CPED1: variants seen among roughly 807,000 people sequenced by gnomAD.
The protein encoded by CPED1 is cadherin-like and PC-esterase domain-containing protein 1.
CPED1 carries 114 observed loss-of-function variants against 128.2 expected under a neutral mutation model. That is an observed-to-expected ratio of 0.89 (90% CI 0.76 to 1.04). The LOEUF (loss-of-function observed/expected upper bound fraction) is 1.04, where lower values mean the gene tolerates loss of function less well. Among genes scored for constraint, CPED1 ranks in the 50% least tolerant of loss-of-function variants. The probability of loss-of-function intolerance (pLI) is 0.00; values close to 1 mark genes in which losing one functional copy is unlikely to be tolerated. For missense variants in CPED1, 1,211 were observed against 1,207.1 expected (o/e 1.00, Z -0.05); for synonymous variants, 462 against 426.7 (o/e 1.08, Z -1.02).
At chr7:121,215,964 T>A (rs1797750280) in intron 16 of CPED1, among the ~76,000 whole-genome samples, 1 of 151,964 alleles carries the variant, frequency 6.6e-6, no homozygotes, top group Non-Finnish European at 1.5e-5. Flanking sequence ...ATTTTCCCAA[T>A]TTCACAGATA....
intron 6 of CPED1, 27 bp downstream of exon 6, chr7:121,097,858 A>G (rs1325809212): frequency 1.9e-6 from 3 of 1,612,310 alleles, no homozygotes; most frequent in Non-Finnish European, 2.5e-6. Flanking sequence ...GAATTGTTAT[A>G]ACCAGCATGC....
chr7:121,064,301 AG>A lies in CPED1; in HGVS notation c.605del (p.Arg202LysfsTer10). 6.2e-7 allele frequency: 1 copy of A among 1,611,226 alleles called. No homozygotes were observed. Among genetic ancestry groups the A allele is most frequent in the Non-Finnish European group, 8.5e-7 (1 of 1,177,460 alleles). On this transcript the variant is annotated frameshift_variant, in exon 5 of 23. Coordinates refer to ENST00000310396, the MANE Select transcript of CPED1 (RefSeq NM_024913.5). LOFTEE classifies it high-confidence loss of function. ...CRKEGLCQIV[R>X]RFPELQLPVS... ...AAAGGAAGGATTATGTCAAATAGTT[AG>A]AAGATTCCCAGGTAATCTTTCGTTT...
chr7:121,284,107 C>A (rs1003117592), intron 22 of CPED1, among the ~76,000 whole-genome samples: 29 of 152,128 alleles, frequency 1.9e-4, no homozygotes, highest in African/African-American at 6.0e-4. Context: ...AAGAAACTTA[C>A]AACTGGCAAA....
intron 22 of CPED1, among the ~76,000 whole-genome samples, chr7:121,291,507 G>T (rs1792701268): frequency 6.6e-6 from 1 of 152,158 alleles, no homozygotes; most frequent in East Asian, 1.9e-4. Context: ...CCTTGAAGAG[G>T]TTCTTCATAT....
chr7:121,131,474 A>T (rs1397196143), intron 12 of CPED1, among the ~76,000 whole-genome samples: 1 of 151,202 alleles, frequency 6.6e-6, no homozygotes, highest in Non-Finnish European at 1.5e-5. Context: ...CTTGATTTCC[A>T]CAGGAAGCTG....
chr7:121,007,469 T>C (rs1394758158), intron 2 of CPED1, among the ~76,000 whole-genome samples: 1 of 152,086 alleles, frequency 6.6e-6, no homozygotes, highest in African/African-American at 2.4e-5. Flanking sequence ...AGTCTTCTGA[T>C]AAGGAAAAAT....
intron 2 of CPED1, among the ~76,000 whole-genome samples, chr7:121,015,212 C>G (rs893297591): frequency 6.6e-6 from 1 of 152,158 alleles, no homozygotes; most frequent in African/African-American, 2.4e-5. Context: ...TTGCTTCTCA[C>G]CTCGACCCCT....
At chr7:121,057,227 C>A (rs1349039598) in intron 4 of CPED1, among the ~76,000 whole-genome samples, 1 of 152,172 alleles carries the variant, frequency 6.6e-6, no homozygotes, top group Non-Finnish European at 1.5e-5. Context: ...ATCCACCTGC[C>A]TCAGCCTCCC....
At chr7:121,034,066 C>T (rs998691510) in intron 3 of CPED1, among the ~76,000 whole-genome samples, 6 of 152,000 alleles carry the variant, frequency 3.9e-5, no homozygotes, top group African/African-American at 1.5e-4. Flanking sequence ...TGTCATAATG[C>T]TAATTATACA....
chr7:121,242,482 T>C (rs948981768), intron 17 of CPED1, among the ~76,000 whole-genome samples: 15 of 152,228 alleles, frequency 9.9e-5, no homozygotes, highest in African/African-American at 3.6e-4. Context: ...ACACCAATAA[T>C]GCCTAACACT....
At chr7:121,144,089 G>C (rs1795966851) in intron 16 of CPED1, among the ~76,000 whole-genome samples, 1 of 152,016 alleles carries the variant, frequency 6.6e-6, no homozygotes, top group Admixed American at 6.6e-5. Flanking sequence ...TCTGTTTGTG[G>C]GAAAGTAAAC....
intron 16 of CPED1, among the ~76,000 whole-genome samples, chr7:121,200,190 G>T (rs1050574205): frequency 1.3e-5 from 2 of 151,914 alleles, no homozygotes; most frequent in Non-Finnish European, 2.9e-5. Context: ...AATCAATTAG[G>T]GCAATGTTTC....
At chr7:121,260,223 G>GTT (rs59370305) in intron 18 of CPED1, among the ~76,000 whole-genome samples, 2,961 of 70,092 alleles carry the variant, frequency 0.042, 155 homozygotes, top group Non-Finnish European at 0.05. Context: ...CTTGCTTCGC[G>GTT]TTTTTTTTTT....
chr7:121,123,380 A>C (rs1177783868), intron 7 of CPED1, among the ~76,000 whole-genome samples: 1 of 152,156 alleles, frequency 6.6e-6, no homozygotes, highest in Non-Finnish European at 1.5e-5. Context: ...TCACTTTGCA[A>C]TCCTGTGTAG....
At chr7:121,236,515 T>C (rs911925199) in intron 16 of CPED1, among the ~76,000 whole-genome samples, 199 bp from the exon 17 acceptor site, 2 of 152,168 alleles carry the variant, frequency 1.3e-5, no homozygotes, top group South Asian at 4.1e-4. Flanking sequence ...GACATGAATA[T>C]CAATGTCAAA....
chr7:121,157,036 A>G (rs1261080425), intron 16 of CPED1, among the ~76,000 whole-genome samples: 1 of 152,086 alleles, frequency 6.6e-6, no homozygotes, highest in African/African-American at 2.4e-5. Context: ...CAAGGATTCA[A>G]CTCAATAGTA....
At chr7:121,113,831 CTT>C (rs1001772654) in intron 7 of CPED1, among the ~76,000 whole-genome samples, 1 of 148,298 alleles carries the variant, frequency 6.7e-6, no homozygotes, top group South Asian at 2.1e-4. Flanking sequence ...TTATTTGAAA[CTT>C]TTTTTTTTTC....
intron 2 of CPED1, among the ~76,000 whole-genome samples, chr7:120,994,851 A>G (rs1275720237): frequency 6.6e-6 from 1 of 152,132 alleles, no homozygotes; most frequent in East Asian, 1.9e-4. Flanking sequence ...AAGTGAGAAA[A>G]CACACATTGC....
intron 17 of CPED1, among the ~76,000 whole-genome samples, chr7:121,240,218 C>A (rs1798358653): frequency 6.6e-6 from 1 of 152,174 alleles, no homozygotes; most frequent in South Asian, 2.1e-4. Context: ...ACATTTGAAT[C>A]TCTGTGCACG....
Sources: allele counts gnomAD v4.1 joint callset (sites outside exome capture counted in the v4.1 genomes callset), GRCh38; gene constraint gnomAD v4.1.1; transcripts MANE v1.5; gene names NCBI Gene and HGNC (gene_info 2026-07-23, HGNC 2026-07-21).